CENPC: variants seen among roughly 807,000 people sequenced by gnomAD.
CENPC encodes centromere protein C.
A neutral mutation model predicts 112.1 loss-of-function variants in CENPC; 63 were observed. That is an observed-to-expected ratio of 0.56 (90% CI 0.46 to 0.69). The LOEUF (loss-of-function observed/expected upper bound fraction) is 0.69, where lower values mean the gene tolerates loss of function less well. CENPC is among the 30% of genes least tolerant of loss of function. The probability of loss-of-function intolerance (pLI) is 0.00; values close to 1 mark genes in which losing one functional copy is unlikely to be tolerated. For synonymous variants in CENPC, 333 were observed against 367.6 expected, an observed-to-expected ratio of 0.91 and a Z score of 1.08; for missense variants, 1,000 against 1,103.8, an observed-to-expected ratio of 0.91 and a Z score of 1.33.
rs1474775323 is a variant in CENPC, at chr4:67,471,342, T to G, written c.*1263A>C. On this transcript the variant is annotated 3_prime_UTR_variant, in exon 19 of 19. Transcript: ENST00000273853. ...AAATCCCTTAGATATAAAACAAAATTGAGTTGCTACAATATGCTACCTAAA... is the reference window on the plus strand; with the variant it reads ...AAATCCCTTAGATATAAAACAAAATGGAGTTGCTACAATATGCTACCTAAA... The G allele has an allele frequency of 2.0e-5, 3 of 152,058 alleles. No homozygotes were observed. Among genetic ancestry groups the G allele is most frequent in the Non-Finnish European group, 4.4e-5 (3 of 68,014 alleles). The allele number at this position is 152,058 out of a possible 1,614,324, so 9.4% of individuals were successfully genotyped here.
rs186045293 is a variant in CENPC, at chr4:67,514,792, T to C, written c.831-105A>G. 1,675 of 1,109,808 alleles carry C rather than the reference T, an allele frequency of 1.5e-3. 7 individuals carry two copies. Among genetic ancestry groups the C allele is most frequent in the Admixed American group, 3.6e-3 (124 of 34,442 alleles). 68.7% of individuals were successfully genotyped at this position (1,109,808 alleles called of 1,614,324 possible). A position where few individuals can be genotyped will look rare whatever the true frequency, so the allele number is the denominator to read the frequency against. On this transcript the variant is annotated intron_variant, in intron 7 of 18. Transcript: ENST00000273853. ...TAAAATCTAAATTTCTTTTAAACTGTTTATATATCTCCTCAATTTTCCCTT... is the reference window on the plus strand; with the variant it reads ...TAAAATCTAAATTTCTTTTAAACTGCTTATATATCTCCTCAATTTTCCCTT...
chr4:67,513,080 C>A (rs1725942529), intron 8 of CENPC, among the ~76,000 whole-genome samples: 1 of 152,060 alleles, frequency 6.6e-6, no homozygotes, highest in Non-Finnish European at 1.5e-5. Context: ...AAGATAAATT[C>A]ACAACATGAG....
In CENPC at chr4:67,514,508, C is replaced by T. The variant is rs200220629; in HGVS notation, c.1010G>A (p.Ser337Asn). 107 of 1,613,312 alleles carry T rather than the reference C, an allele frequency of 6.6e-5. No homozygotes were observed. In the African/African-American group the frequency reaches 1.4e-3, roughly 21 times the overall value. The part of the protein sequence containing the change: ...LKQRTISPAE[S>N]TALLQGRKSR... ...CTTTCTACCTTGAAGGAGTGCAGTG[C>T]TCTCAGCCGGGGATATTGTGCGTTG... Residue 337 changes from serine (S) to asparagine (N), a missense_variant, in exon 8 of 19, where the codon AGC becomes AAC. Transcript: ENST00000273853.
At chr4:67,529,286 C>A (rs956212409) in intron 5 of CENPC, among the ~76,000 whole-genome samples, 5 of 152,044 alleles carry the variant, frequency 3.3e-5, no homozygotes, top group Non-Finnish European at 7.4e-5. Context: ...AGTCTGGTTG[C>A]CCTTTCACAC....
chr4:67,511,860 G>A (rs151192471), intron 9 of CENPC, among the ~76,000 whole-genome samples: 1 of 152,176 alleles, frequency 6.6e-6, no homozygotes, highest in East Asian at 1.9e-4. Flanking sequence ...ATTTCCTCCA[G>A]ACTTAACCCA....
chr4:67,531,513 G>A (rs1005848840), intron 4 of CENPC, among the ~76,000 whole-genome samples: 1 of 152,198 alleles, frequency 6.6e-6, no homozygotes, highest in Admixed American at 6.5e-5. Flanking sequence ...TGCTGCGCCA[G>A]CCTGCCTAGA....
intron 12 of CENPC, among the ~76,000 whole-genome samples, chr4:67,497,940 C>T (rs1725486297): frequency 6.6e-6 from 1 of 151,848 alleles, no homozygotes; most frequent in Admixed American, 6.6e-5. Context: ...GCTAAAAATG[C>T]TAAAGATCAG....
chr4:67,487,737 T>C (rs537448257), intron 17 of CENPC, among the ~76,000 whole-genome samples: 1 of 151,876 alleles, frequency 6.6e-6, no homozygotes, highest in Non-Finnish European at 1.5e-5. Flanking sequence ...TTCTACTTTT[T>C]AATTTCCTTC....
intron 2 of CENPC, among the ~76,000 whole-genome samples, chr4:67,541,804 T>C (rs1386621185): frequency 6.6e-6 from 1 of 152,170 alleles, no homozygotes; most frequent in African/African-American, 2.4e-5. Flanking sequence ...AGATCCTCTA[T>C]TGTCCTTTTG....
At chr4:67,494,302 C>T (rs1328910434) in intron 13 of CENPC, among the ~76,000 whole-genome samples, 2 of 152,112 alleles carry the variant, frequency 1.3e-5, no homozygotes, top group African/African-American at 2.4e-5. Flanking sequence ...TCTTCAAATT[C>T]CCATGTTCTT....
At chr4:67,526,160 C>G (rs887604793) in intron 5 of CENPC, among the ~76,000 whole-genome samples, 14 of 151,784 alleles carry the variant, frequency 9.2e-5, no homozygotes, top group African/African-American at 3.1e-4. Flanking sequence ...ACACCAGGGC[C>G]TGTGGTGGGG....
At chr4:67,530,570 A>G (rs1424054513) in intron 5 of CENPC, among the ~76,000 whole-genome samples, 1 of 152,200 alleles carries the variant, frequency 6.6e-6, no homozygotes, top group African/African-American at 2.4e-5. Context: ...CTGAAAAATA[A>G]AAAGAAAGAA....
rs1724640622 is a variant in CENPC, at chr4:67,470,804, A to C, written c.*1801T>G. 1 of 152,182 alleles carries C rather than the reference A, an allele frequency of 6.6e-6. No homozygotes were observed. The highest frequency in any genetic ancestry group is 1.5e-5 in the Non-Finnish European group (1 of 68,038). 9.4% of individuals were successfully genotyped at this position (152,182 alleles called of 1,614,324 possible). ...AGAGGTATAAACCTACAACTTTGTA[A>C]GTCAAAAGTAAAAAAATCACTTAGG... On this transcript the variant is annotated 3_prime_UTR_variant, in exon 19 of 19. Coordinates refer to ENST00000273853, the MANE Select transcript of CENPC (RefSeq NM_001812.4).
chr4:67,497,778 C>T (rs1370102519), intron 12 of CENPC, among the ~76,000 whole-genome samples: 1 of 128,570 alleles, frequency 7.8e-6, no homozygotes, highest in Non-Finnish European at 1.6e-5. Flanking sequence ...AGTGACCGGC[C>T]TCGCCTCCCA....
Position 67,514,148 on chromosome 4 carries a change from T to C in CENPC, c.1370A>G (p.Asn457Ser). 1 of 1,611,132 alleles carries C rather than the reference T, an allele frequency of 6.2e-7. No individual in the cohort carries two copies. Among genetic ancestry groups the C allele is most frequent in the Non-Finnish European group, 8.5e-7 (1 of 1,178,836 alleles). The change falls in exon 8 of 19, where the codon AAT (asparagine) becomes AGT (serine). Residue 457 changes from asparagine (N) to serine (S), a missense_variant. Transcript: ENST00000273853. ...SHITQDEFQR[N>S]SDRNMEEHEE... ...ATGCTCTTCCATATTTCTGTCTGAATTTCTTTGAAATTCGTCTTGGGTAAT... is the reference window on the plus strand; with the variant it reads ...ATGCTCTTCCATATTTCTGTCTGAACTTCTTTGAAATTCGTCTTGGGTAAT...
chr4:67,489,271 T>C (rs1008222687), intron 17 of CENPC, among the ~76,000 whole-genome samples: 3 of 150,358 alleles, frequency 2.0e-5, no homozygotes, highest in Non-Finnish European at 4.4e-5. Flanking sequence ...TGTCTCTAAA[T>C]GGGGGTGGGG....
At chr4:67,529,506 A>C (rs1475376950) in intron 5 of CENPC, among the ~76,000 whole-genome samples, 1 of 151,922 alleles carries the variant, frequency 6.6e-6, no homozygotes, top group Admixed American at 6.6e-5. Context: ...TGGTATTTTT[A>C]GTAGAGATGG....
At chr4:67,490,246 A>G (rs181951207) in intron 16 of CENPC, 125 bp from the exon 17 acceptor site, 1 of 589,986 alleles carries the variant, frequency 1.7e-6, no homozygotes, top group Non-Finnish European at 2.6e-6. Flanking sequence ...GTTGTTTCAG[A>G]GCATTAACTC....
At chr4:67,499,223 A>G (rs1205757199) in intron 12 of CENPC, among the ~76,000 whole-genome samples, 4 of 152,188 alleles carry the variant, frequency 2.6e-5, no homozygotes, top group Non-Finnish European at 5.9e-5. Context: ...CACCAGCTGT[A>G]TTAGCCCTTA....
Sources: allele counts gnomAD v4.1 joint callset (sites outside exome capture counted in the v4.1 genomes callset), GRCh38; gene constraint gnomAD v4.1.1; transcripts MANE v1.5; gene names NCBI Gene and HGNC (gene_info 2026-07-23, HGNC 2026-07-21).